CNTN4: variants seen among roughly 807,000 people sequenced by gnomAD.
CNTN4 encodes the protein contactin 4.
CNTN4 carries 77 observed loss-of-function variants against 122.5 expected under a neutral mutation model. The observed-to-expected ratio is 0.63, with a 90% CI of 0.52 to 0.76. The LOEUF (loss-of-function observed/expected upper bound fraction) is 0.76. Ranked by LOEUF, CNTN4 falls within the 30% of genes least tolerant of loss-of-function variation. CNTN4 has a pLI of 0.00. For missense variants in CNTN4, 1,256 were observed against 1,259.1 expected (o/e 1.00, Z 0.04); for synonymous variants, 512 against 447.0 (o/e 1.15, Z -1.83).
intron 13 of CNTN4, among the ~76,000 whole-genome samples, chr3:2,953,573 C>T (rs1293125807): frequency 2.6e-5 from 4 of 152,110 alleles, no homozygotes; most frequent in African/African-American, 9.6e-5. Context: ...TGGTGTCTTC[C>T]TCTAGTCTAT....
At chr3:2,272,603 T>G (rs1284218090) in intron 2 of CNTN4, among the ~76,000 whole-genome samples, 1 of 152,184 alleles carries the variant, frequency 6.6e-6, no homozygotes, top group Non-Finnish European at 1.5e-5. Context: ...AATTTTAAAA[T>G]GAAAACCTCA....
intron 4 of CNTN4, among the ~76,000 whole-genome samples, chr3:2,699,120 TTGA>T (rs1413597037): frequency 6.6e-6 from 1 of 152,182 alleles, no homozygotes. Context: ...TTGGAAGAAT[TTGA>T]TGATGATCTT....
At chr3:2,364,631 C>G (rs1341596026) in intron 3 of CNTN4, among the ~76,000 whole-genome samples, 1 of 151,614 alleles carries the variant, frequency 6.6e-6, no homozygotes, top group Admixed American at 6.6e-5. Context: ...GCAGGCCTTG[C>G]GCATGAAGCA....
At chr3:2,857,564 A>C (rs371578471) in intron 7 of CNTN4, among the ~76,000 whole-genome samples, 1 of 152,094 alleles carries the variant, frequency 6.6e-6, no homozygotes, top group Non-Finnish European at 1.5e-5. Context: ...CACTGAACAG[A>C]CTGGGCCATC....
intron 2 of CNTN4, among the ~76,000 whole-genome samples, chr3:2,319,871 C>CTT (rs768694875): frequency 2.0e-4 from 31 of 152,264 alleles, no homozygotes; most frequent in South Asian, 2.1e-4. Context: ...GAGAATTAAA[C>CTT]TTTTTCAAGT....
chr3:2,361,206 C>T (rs758260691), intron 3 of CNTN4, among the ~76,000 whole-genome samples: 20 of 152,132 alleles, frequency 1.3e-4, no homozygotes, highest in Non-Finnish European at 2.6e-4. Context: ...CATAAGTTAA[C>T]GTGTGTACCT....
intron 2 of CNTN4, among the ~76,000 whole-genome samples, chr3:2,189,719 ACT>A (rs887330252): frequency 3.3e-5 from 5 of 149,898 alleles, no homozygotes; most frequent in African/African-American, 9.8e-5. Context: ...TTTCCATAGA[ACT>A]CTGTGTCCAT....
At chr3:2,740,359 CTAAA>C (rs1036481101) in intron 5 of CNTN4, among the ~76,000 whole-genome samples, 5 of 152,028 alleles carry the variant, frequency 3.3e-5, no homozygotes, top group African/African-American at 1.2e-4. Context: ...GAACCGGTCT[CTAAA>C]TAAATAAATA....
At chr3:2,627,562 C>G (rs145303300) in intron 4 of CNTN4, among the ~76,000 whole-genome samples, 2 of 146,796 alleles carry the variant, frequency 1.4e-5, no homozygotes, top group Non-Finnish European at 3.0e-5. Context: ...AGCGCAATCT[C>G]GGCTCACTGC....
At chr3:2,603,504 G>A (rs1241551251) in intron 4 of CNTN4, among the ~76,000 whole-genome samples, 1 of 152,128 alleles carries the variant, frequency 6.6e-6, no homozygotes, top group Non-Finnish European at 1.5e-5. Flanking sequence ...TAAAGTGTCT[G>A]AATAAAATGG....
At chr3:2,309,517 C>G (rs1031127311) in intron 2 of CNTN4, among the ~76,000 whole-genome samples, 1 of 151,982 alleles carries the variant, frequency 6.6e-6, no homozygotes, top group Non-Finnish European at 1.5e-5. Flanking sequence ...TGACTTATTT[C>G]TTTTTGTTTG....
intron 7 of CNTN4, among the ~76,000 whole-genome samples, chr3:2,863,265 T>C (rs2093688732): frequency 6.6e-6 from 1 of 152,100 alleles, no homozygotes. Context: ...AGATTTCCCC[T>C]GTTTTAGGAG....
intron 4 of CNTN4, among the ~76,000 whole-genome samples, chr3:2,689,786 A>G (rs1014903982): frequency 9.2e-5 from 14 of 152,022 alleles, no homozygotes; most frequent in African/African-American, 3.1e-4. Context: ...TATACACCAC[A>G]ATACGAATCC....
At chr3:2,398,534 A>C (rs1198422796) in intron 3 of CNTN4, among the ~76,000 whole-genome samples, 4 of 152,130 alleles carry the variant, frequency 2.6e-5, no homozygotes, top group Admixed American at 1.3e-4. Flanking sequence ...CATTGAGGGG[A>C]AAAAGCTATG....
At chr3:2,795,352 A>G (rs966392449) in intron 6 of CNTN4, among the ~76,000 whole-genome samples, 1 of 152,138 alleles carries the variant, frequency 6.6e-6, no homozygotes, top group Non-Finnish European at 1.5e-5. Flanking sequence ...TCCAAAAAAC[A>G]TGGAAAGGAA....
At chr3:2,734,036 C>T (rs1476456021) in intron 4 of CNTN4, among the ~76,000 whole-genome samples, 1 of 151,988 alleles carries the variant, frequency 6.6e-6, no homozygotes, top group Non-Finnish European at 1.5e-5. Context: ...ATATTCCTGG[C>T]TGTTTTCCCT....
intron 3 of CNTN4, among the ~76,000 whole-genome samples, chr3:2,353,077 T>C (rs2044705970): frequency 1.3e-5 from 2 of 152,132 alleles, no homozygotes; most frequent in Non-Finnish European, 2.9e-5. Context: ...AGCTAATCTA[T>C]GGGGACTGGG....
chr3:2,525,120 G>A (rs904113596), intron 3 of CNTN4, among the ~76,000 whole-genome samples: 4 of 152,066 alleles, frequency 2.6e-5, no homozygotes, highest in Non-Finnish European at 4.4e-5. Flanking sequence ...ACCTATTAGA[G>A]GGGAGGCTCA....
At chr3:2,120,383 ATATATATATATATATATATATATTTTTT>A (rs2033664333) in intron 2 of CNTN4, among the ~76,000 whole-genome samples, 1 of 59,804 alleles carries the variant, frequency 1.7e-5, no homozygotes, top group African/African-American at 7.3e-5. Flanking sequence ...AAATATATAT[ATATATATATATATATATATATATTTTTT>A]TTTTTTTTTT....
Sources: gnomAD v4.1 joint callset for allele counts (sites outside exome capture counted in the v4.1 genomes callset) on GRCh38, gnomAD v4.1.1 for gene constraint, MANE v1.5 for transcripts, NCBI Gene and HGNC (gene_info 2026-07-23, HGNC 2026-07-21) for gene names.